Variants in TECPR2 observed in about 807,000 individuals in gnomAD.
The protein encoded by TECPR2 is tectonin beta-propeller repeat-containing protein 2.
In TECPR2, 65 loss-of-function variants were observed where a neutral mutation model predicts 138.1. The ratio of observed to expected loss-of-function variants is 0.47; its 90% CI spans 0.39 to 0.58. TECPR2 has a LOEUF of 0.58. TECPR2 is among the 20% of genes least tolerant of loss of function. TECPR2 has a pLI of 0.00. For missense variants in TECPR2, 1,553 were observed against 1,824.5 expected (o/e 0.85, Z 2.71); for synonymous variants, 746 against 749.8 (o/e 0.99, Z 0.08).
At chr14:102,448,940 T>C (rs1180816423) in intron 13 of TECPR2, among the ~76,000 whole-genome samples, 1 of 152,122 alleles carries the variant, frequency 6.6e-6, no homozygotes, top group African/African-American at 2.4e-5. Context: ...TACCGTATAC[T>C]GTTGTCCATT....
At chr14:102,379,509 A>G (rs1887735287) in intron 2 of TECPR2, among the ~76,000 whole-genome samples, 1 of 149,044 alleles carries the variant, frequency 6.7e-6, no homozygotes, top group Non-Finnish European at 1.5e-5. Flanking sequence ...CCATCTTAAA[A>G]TCCATGCACA....
At chr14:102,458,966 C>CACACAT (rs1260702159) in intron 16 of TECPR2, among the ~76,000 whole-genome samples, 3 of 138,368 alleles carry the variant, frequency 2.2e-5, no homozygotes, top group African/African-American at 8.0e-5. Flanking sequence ...AAAATACACA[C>CACACAT]ATATATATAT....
chr14:102,444,712 G>A (rs1889923719), intron 12 of TECPR2, among the ~76,000 whole-genome samples: 2 of 152,254 alleles, frequency 1.3e-5, no homozygotes, highest in South Asian at 2.1e-4. Context: ...GGTGGCTCAC[G>A]CCTGTAATCC....
chr14:102,428,167 C>G (rs1354344841), intron 6 of TECPR2, 83 bp from the exon 7 acceptor site: 11 of 1,443,020 alleles, frequency 7.6e-6, no homozygotes, highest in Non-Finnish European at 9.1e-6. Context: ...TTTGGACTCT[C>G]ACACATGCAT....
At chr14:102,480,548 C>A (rs567451973) in intron 17 of TECPR2, among the ~76,000 whole-genome samples, 5 of 151,058 alleles carry the variant, frequency 3.3e-5, no homozygotes, top group African/African-American at 7.3e-5. Flanking sequence ...GAGACAGAGT[C>A]TCAGTCTGTC....
intron 1 of TECPR2, among the ~76,000 whole-genome samples, chr14:102,364,248 T>C (rs1041126007): frequency 1.3e-5 from 2 of 152,244 alleles, no homozygotes; most frequent in African/African-American, 4.8e-5. Flanking sequence ...TCACCAGCGA[T>C]TCCTGGTCTT....
intron 2 of TECPR2, among the ~76,000 whole-genome samples, chr14:102,401,032 A>G (rs1363650567): frequency 1.3e-5 from 2 of 149,012 alleles, no homozygotes; most frequent in African/African-American, 5.0e-5. Flanking sequence ...GACTCGTCGC[A>G]AAAAAAAAGG....
In TECPR2 at chr14:102,415,944, G is replaced by T. The variant is rs1180438331; in HGVS notation, c.638+1151G>T. The stretch of plus-strand genomic sequence containing the variant: ...GGGACAGGCCGTCCTGGAGAGTCGG[G>T]TGAGGCGGAGCCAGCCCCTGTGGTC... On this transcript the variant is annotated intron_variant, in intron 5 of 19. Transcript: ENST00000359520. The surrounding 1 kb of genome is among the most constrained non-coding windows in gnomAD (Gnocchi z 4.3). 6.6e-6 allele frequency among the ~76,000 whole-genome samples: 1 copy of T among 152,132 alleles called. No individual in the cohort carries two copies. Among genetic ancestry groups the T allele is most frequent in the Admixed American group, 6.5e-5 (1 of 15,278 alleles).
At chr14:102,464,653 A>G (rs994748819) in intron 16 of TECPR2, among the ~76,000 whole-genome samples, 3 of 152,260 alleles carry the variant, frequency 2.0e-5, no homozygotes, top group East Asian at 1.9e-4. Flanking sequence ...TGAAAGTGCT[A>G]AGATTACAGG....
chr14:102,439,726 G>A (rs537627180), intron 10 of TECPR2, among the ~76,000 whole-genome samples: 3 of 152,316 alleles, frequency 2.0e-5, no homozygotes, highest in East Asian at 3.9e-4. Flanking sequence ...CCCTTGTGCC[G>A]GGGGCACCAC....
chr14:102,440,663 T>C (rs932658446), intron 11 of TECPR2, 54 bp downstream of exon 11: 7 of 1,575,218 alleles, frequency 4.4e-6, no homozygotes, highest in Admixed American at 1.8e-5. Context: ...CTGCCTCTGC[T>C]GCACCCTGCT....
At chr14:102,492,761 G>A (rs1249354781) in intron 17 of TECPR2, among the ~76,000 whole-genome samples, 1 of 152,212 alleles carries the variant, frequency 6.6e-6, no homozygotes, top group Non-Finnish European at 1.5e-5. Flanking sequence ...ACGCGTGAGG[G>A]GGCGTGTGTG....
At chr14:102,426,624 C>T (rs1046038680) in intron 6 of TECPR2, among the ~76,000 whole-genome samples, 6 of 152,118 alleles carry the variant, frequency 3.9e-5, no homozygotes, top group Admixed American at 3.9e-4. Flanking sequence ...TTTGGAAGGC[C>T]GAGGTAGGTG....
chr14:102,412,123 CTTT>C (rs751930335), intron 4 of TECPR2, among the ~76,000 whole-genome samples: 262 of 90,664 alleles, frequency 2.9e-3, no homozygotes, highest in South Asian at 8.3e-3. Flanking sequence ...AATGTTGACA[CTTT>C]TTTTTTTTTT....
intron 16 of TECPR2, among the ~76,000 whole-genome samples, chr14:102,456,994 A>G (rs1297037169): frequency 6.6e-6 from 1 of 152,106 alleles, no homozygotes; most frequent in Non-Finnish European, 1.5e-5. Context: ...AGGGGCAGTG[A>G]GCATCAGGCC....
chr14:102,484,346 C>T lies in TECPR2; in HGVS notation c.3790-12633C>T, dbSNP rs549801731. On this transcript the variant is annotated intron_variant, in intron 17 of 19. Transcript: ENST00000359520. ...TGTTTTGGAAGTTTCTTCTCCCTGC[C>T]TGGTCTTTGTATGTCCCAAGTTGTG... 2.0e-5 allele frequency among the ~76,000 whole-genome samples: 3 copies of T among 152,298 alleles called. No homozygotes were observed. The South Asian group carries it at 6.2e-4, about 32-fold the overall frequency.
rs973815959 is a variant in TECPR2, at chr14:102,499,024, C to T, written c.*767C>T. 3 of 698,174 alleles carry T rather than the reference C, an allele frequency of 4.3e-6. No homozygotes were observed. The highest frequency in any genetic ancestry group is 7.8e-6 in the Non-Finnish European group (3 of 384,158). The allele number at this position is 698,174 out of a possible 1,614,324, so 43.2% of individuals were successfully genotyped here. A position where few individuals can be genotyped will look rare whatever the true frequency, so the allele number is the denominator to read the frequency against. On this transcript the variant is annotated 3_prime_UTR_variant, in exon 20 of 20. Coordinates refer to ENST00000359520, the MANE Select transcript of TECPR2 (RefSeq NM_014844.5). ...CGCACCGCACCGCACCGTACCTCGC[C>T]ACATCTCACCACACCACACCACACC...
rs1356307247 is a variant in TECPR2 at position 102,419,809 on chromosome 14, T to TTAC, written c.638+5018_638+5020dup. On this transcript the variant is annotated intron_variant, in intron 5 of 19. Transcript: ENST00000359520. This position sits in a 1 kb window ranked among gnomAD's most constrained non-coding sequence, Gnocchi z 4.8. ...TGTGTCAGAGCCCTCTGCAGACCTGTTACTGTGTCCCCTGTGAGTCTAGTA... is the reference window on the plus strand; with the variant it reads ...TGTGTCAGAGCCCTCTGCAGACCTGTTACTACTGTGTCCCCTGTGAGTCTAGTA... Among the ~76,000 whole-genome samples the TTAC allele has an allele frequency of 9.8e-5, 15 of 152,300 alleles. No homozygotes were observed. In the South Asian group the frequency reaches 1.2e-3, roughly 13 times the overall value.
chr14:102,407,561 C>G, intron 3 of TECPR2, 95 bp downstream of exon 3: 1 of 1,456,612 alleles, frequency 6.9e-7, no homozygotes, highest in Non-Finnish European at 9.1e-7. Context: ...AAAGTTTATG[C>G]TCAGAGAAAG....
Sources: allele counts gnomAD v4.1 joint callset (sites outside exome capture counted in the v4.1 genomes callset), GRCh38; gene constraint gnomAD v4.1.1; non-coding constraint Gnocchi (gnomAD v3.1); transcripts MANE v1.5; gene names NCBI Gene and HGNC (gene_info 2026-07-23, HGNC 2026-07-21).